ARMC3: variants seen among roughly 807,000 people sequenced by gnomAD.
ARMC3 encodes armadillo repeat containing 3.
In ARMC3, 74 loss-of-function variants were observed where a neutral mutation model predicts 90.3. The ratio of observed to expected loss-of-function variants is 0.82; its 90% CI spans 0.68 to 0.99. The LOEUF is 0.99. Among genes scored for constraint, ARMC3 ranks in the 50% least tolerant of loss-of-function variants. ARMC3 has a pLI of 0.00. For missense variants in ARMC3, 958 were observed against 1,042.8 expected, an observed-to-expected ratio of 0.92 and a Z score of 1.12; for synonymous variants, 334 against 361.8, an observed-to-expected ratio of 0.92 and a Z score of 0.87.
chr10:23,010,417 C>A (rs1472099627), intron 16 of ARMC3, among the ~76,000 whole-genome samples: 1 of 34,208 alleles, frequency 2.9e-5, no homozygotes, highest in Non-Finnish European at 7.0e-5. Context: ...TCCCCTTTCC[C>A]TCCCACCCCT....
At position 23,023,855 on chromosome 10, in the gene ARMC3, C is replaced by T. The variant is rs148912238; in HGVS notation, c.2046-6741C>T. Among the ~76,000 whole-genome samples the T allele has an allele frequency of 6.4e-3, 972 of 151,988 alleles. 12 individuals are homozygous for T. Among genetic ancestry groups the T allele is most frequent in the African/African-American group, 0.022 (927 of 41,484 alleles). Reference sequence around the variant, plus strand: ...AAATGAACAAAGCCTCAAGGACTTACGGGACAATAATAAAAGATCCAACAT... The same window carrying T: ...AAATGAACAAAGCCTCAAGGACTTATGGGACAATAATAAAAGATCCAACAT... On this transcript the variant is annotated intron_variant, in intron 16 of 18. Transcript: ENST00000298032.
intron 2 of ARMC3, among the ~76,000 whole-genome samples, chr10:22,944,014 AT>A: frequency 6.6e-6 from 1 of 151,706 alleles, no homozygotes; most frequent in Non-Finnish European, 1.5e-5. Context: ...ATTTTACTGT[AT>A]TTTTTGATCC....
chr10:22,930,649 A>G (rs934940092), intron 1 of ARMC3, among the ~76,000 whole-genome samples: 3 of 152,194 alleles, frequency 2.0e-5, no homozygotes, highest in Non-Finnish European at 2.9e-5. Flanking sequence ...TGTATGTGAT[A>G]AATTCTGGTC....
At chr10:23,034,922 G>A (rs1839066212) in intron 18 of ARMC3, among the ~76,000 whole-genome samples, 1 of 152,158 alleles carries the variant, frequency 6.6e-6, no homozygotes, top group Non-Finnish European at 1.5e-5. Context: ...CCTGATTCCA[G>A]ATCTATGTAT....
chr10:23,003,421 G>C lies in ARMC3; in HGVS notation c.1731+7G>C. On this transcript the variant is annotated splice_region_variant and intron_variant, in intron 13 of 18. Coordinates refer to ENST00000298032, the MANE Select transcript of ARMC3 (RefSeq NM_173081.5). ...ATTCTATGATTATGGTCGGGTAAGT[G>C]ACAGCATTTATTTGTAGTTTAGTAT... 2 of 1,582,376 alleles carry C rather than the reference G, an allele frequency of 1.3e-6. No homozygotes were observed. Among genetic ancestry groups the C allele is most frequent in the Non-Finnish European group, 1.7e-6 (2 of 1,164,822 alleles).
intron 16 of ARMC3, among the ~76,000 whole-genome samples, chr10:23,021,682 G>A (rs1031246879): frequency 3.9e-5 from 6 of 152,084 alleles, no homozygotes; most frequent in Non-Finnish European, 5.9e-5. Context: ...TTTTTTGCTT[G>A]TTGAATTGTT....
chr10:22,948,302 G>A (rs375530243), intron 3 of ARMC3, among the ~76,000 whole-genome samples: 16 of 152,126 alleles, frequency 1.1e-4, no homozygotes, highest in Admixed American at 4.6e-4. Flanking sequence ...TCAGTCTTAC[G>A]GAGTCATTAT....
intron 7 of ARMC3, among the ~76,000 whole-genome samples, chr10:22,966,983 G>A (rs1298577042): frequency 1.3e-5 from 2 of 151,352 alleles, no homozygotes; most frequent in Non-Finnish European, 2.9e-5. Context: ...CATATCAATG[G>A]GTGTGTGTTT....
intron 4 of ARMC3, among the ~76,000 whole-genome samples, chr10:22,956,881 TTA>T (rs968480889): frequency 6.6e-6 from 1 of 151,114 alleles, no homozygotes; most frequent in African/African-American, 2.4e-5. Context: ...AAAGATGCTA[TTA>T]TGTCCATTAG....
At chr10:22,990,586 T>C (rs1243331024) in intron 10 of ARMC3, among the ~76,000 whole-genome samples, 1 of 152,114 alleles carries the variant, frequency 6.6e-6, no homozygotes, top group African/African-American at 2.4e-5. Flanking sequence ...AGAGCAGTCC[T>C]ATGGGGGAAG....
At chr10:22,949,933 A>C (rs1384982591) in intron 3 of ARMC3, among the ~76,000 whole-genome samples, 1 of 152,190 alleles carries the variant, frequency 6.6e-6, no homozygotes, top group Non-Finnish European at 1.5e-5. Context: ...ATAAATAAGG[A>C]TGATTTATCA....
chr10:23,000,740 C>G (rs996643574), intron 11 of ARMC3, among the ~76,000 whole-genome samples: 3 of 152,140 alleles, frequency 2.0e-5, no homozygotes, highest in African/African-American at 7.2e-5. Context: ...AACAGGTAAG[C>G]CCCACCAGGG....
chr10:22,970,279 G>T (rs1835625184), intron 8 of ARMC3, among the ~76,000 whole-genome samples: 1 of 152,196 alleles, frequency 6.6e-6, no homozygotes, highest in Non-Finnish European at 1.5e-5. Context: ...AAGTGGTTCT[G>T]AGAAGGAACA....
intron 16 of ARMC3, chr10:23,014,537 C>T (rs1323230352): frequency 1.0e-6 from 1 of 973,048 alleles, no homozygotes; most frequent in Non-Finnish European, 1.2e-6. Flanking sequence ...ATAGCAAAGA[C>T]ATGGGATCAA....
intron 16 of ARMC3, among the ~76,000 whole-genome samples, chr10:23,024,525 G>A (rs765963982): frequency 3.3e-5 from 5 of 152,118 alleles, no homozygotes; most frequent in Admixed American, 6.6e-5. Flanking sequence ...TTATACTCAA[G>A]ACAATGATAT....
intron 16 of ARMC3, among the ~76,000 whole-genome samples, chr10:23,010,828 TCCTCTCCTTCCCTTG>T (rs1484046342): frequency 3.1e-5 from 3 of 95,516 alleles, no homozygotes; most frequent in Non-Finnish European, 5.9e-5. Context: ...CCCTTGCCTC[TCCTCTCCTTCCCTTG>T]CCTCTCCTCT....
intron 10 of ARMC3, among the ~76,000 whole-genome samples, chr10:22,984,929 A>G (rs1040674064): frequency 4.0e-5 from 6 of 151,852 alleles, no homozygotes; most frequent in African/African-American, 7.3e-5. Context: ...CTGAAGTGCA[A>G]TGGTACAATC....
chr10:23,037,355 A>G lies in ARMC3; in HGVS notation c.2495A>G (p.Asp832Gly). ...TGGAATGAAGTCATGCTGCAGAATG[A>G]CTCTCGGAAGGGAGTGATTGGGGGC... is the stretch of plus-strand genomic sequence containing the variant. ...RAWNEVMLQNDSRKGVIGGLP... is the reference protein window; with the variant it reads ...RAWNEVMLQNGSRKGVIGGLP... The change falls in exon 19 of 19, where the codon GAC becomes GGC. Residue 832 changes from aspartate to glycine, a missense_variant. Physicochemically the swap from Asp to Gly is moderately conservative, Grantham distance 94 (BLOSUM62 -1). Transcript: ENST00000298032. The G allele has an allele frequency of 2.5e-6, 4 of 1,613,670 alleles. No homozygotes were observed. Among genetic ancestry groups the G allele is most frequent in the Non-Finnish European group, 3.4e-6 (4 of 1,179,854 alleles).
In ARMC3 at chr10:22,998,215, A is replaced by G. The variant is rs757549905; in HGVS notation, c.1243A>G (p.Ile415Val). The change falls in exon 11 of 19, where the codon ATT (isoleucine) becomes GTT (valine). Residue 415 changes from isoleucine to valine, a missense_variant. Transcript: ENST00000298032. The stretch of plus-strand genomic sequence containing the variant: ...CCTGTCTAGTAAACGAGATGGAGCC[A>G]TTGCCAACGCTGCTACAGTATTAAC... The part of the protein sequence containing the change: ...NLLSSKRDGA[I>V]ANAATVLTNM... The G allele has an allele frequency of 1.2e-6, 2 of 1,613,550 alleles. No homozygotes were observed. Among genetic ancestry groups the G allele is most frequent in the Admixed American group, 1.7e-5 (1 of 59,976 alleles).
Sources: gnomAD v4.1 joint callset for allele counts (sites outside exome capture counted in the v4.1 genomes callset) on GRCh38, gnomAD v4.1.1 for gene constraint, MANE v1.5 for transcripts, NCBI Gene and HGNC (gene_info 2026-07-23, HGNC 2026-07-21) for gene names.